The following SMARCC1 variants were observed in gnomAD, a reference collection of about 807,000 sequenced individuals.
The protein encoded by SMARCC1 is SWI/SNF complex subunit SMARCC1.
In SMARCC1, 43 loss-of-function variants were observed where a neutral mutation model predicts 147.4. The observed-to-expected ratio is 0.29, with a 90% CI of 0.23 to 0.38. The LOEUF is 0.38. Among genes scored for constraint, SMARCC1 ranks in the 10% least tolerant of loss-of-function variants. The pLI is 1.00. For missense variants in SMARCC1, 1,119 were observed against 1,381.1 expected, an observed-to-expected ratio of 0.81 and a Z score of 3.01; for synonymous variants, 495 against 484.4, an observed-to-expected ratio of 1.02 and a Z score of -0.29.
At chr3:47,705,793 G>A (rs1212835671) in intron 10 of SMARCC1, among the ~76,000 whole-genome samples, 1 of 152,156 alleles carries the variant, frequency 6.6e-6, no homozygotes, top group Non-Finnish European at 1.5e-5. Context: ...CAGAAATTAT[G>A]TAACTTAATA....
chr3:47,702,201 A>C (rs1385562296), intron 10 of SMARCC1, among the ~76,000 whole-genome samples: 1 of 137,334 alleles, frequency 7.3e-6, no homozygotes, highest in Non-Finnish European at 1.5e-5. Flanking sequence ...ATCATTATTA[A>C]TTTTAAAACT....
intron 1 of SMARCC1, among the ~76,000 whole-genome samples, chr3:47,774,157 T>G (rs1437802357): frequency 6.6e-6 from 1 of 152,012 alleles, no homozygotes; most frequent in Non-Finnish European, 1.5e-5. Flanking sequence ...CTACAATTAT[T>G]ATGCATAGGA....
At chr3:47,638,815 G>A in intron 21 of SMARCC1, 35 bp from the exon 22 acceptor site, 1 of 1,435,216 alleles carries the variant, frequency 7.0e-7, no homozygotes, top group Non-Finnish European at 9.8e-7. Context: ...GTACTCCAAT[G>A]TGGAAAAAGG....
chr3:47,590,646 C>G lies in SMARCC1; in HGVS notation c.3220+15G>C. On this transcript the variant is annotated intron_variant, in intron 27 of 27. Coordinates refer to ENST00000254480, the MANE Select transcript of SMARCC1 (RefSeq NM_003074.4). ...CGGACCCTGAGATAATGCATCCCCC[C>G]TCCATGTTACTTACACATGCCGTTA... 6.7e-7 allele frequency: 1 copy of G among 1,498,422 alleles called. No homozygotes were observed. The highest frequency in any genetic ancestry group is 8.9e-7 in the Non-Finnish European group (1 of 1,128,964). The allele number at this position is 1,498,422 out of a possible 1,614,324, so 92.8% of individuals were successfully genotyped here.
chr3:47,750,249 A>C (rs1226976009), intron 2 of SMARCC1, among the ~76,000 whole-genome samples: 1 of 152,174 alleles, frequency 6.6e-6, no homozygotes, highest in Non-Finnish European at 1.5e-5. Flanking sequence ...ATCCTGGCCA[A>C]CATGGTGAAA....
rs1576393731 is a variant in SMARCC1 at position 47,633,760 on chromosome 3, A to AT, written c.2646+1429_2646+1430insA. The stretch of plus-strand genomic sequence containing the variant: ...CTGTCTCAAAAAAAAAAAAAAAAAA[A>AT]AAAATATATATATATATATACACAC... On this transcript the variant is annotated intron_variant, in intron 24 of 27. Coordinates refer to ENST00000254480, the MANE Select transcript of SMARCC1 (RefSeq NM_003074.4). Among the ~76,000 whole-genome samples the AT allele has an allele frequency of 8.8e-5, 3 of 34,114 alleles. No homozygotes were observed. The Admixed American group carries it at 1.4e-3, about 15-fold the overall frequency. The allele number at this position is 34,114 out of a possible 152,430, so 22.4% of individuals were successfully genotyped here. A position where few individuals can be genotyped will look rare whatever the true frequency, so the allele number is the denominator to read the frequency against.
intron 11 of SMARCC1, among the ~76,000 whole-genome samples, chr3:47,697,458 C>T (rs186970935): frequency 1.1e-3 from 161 of 151,622 alleles, no homozygotes; most frequent in Admixed American, 2.9e-3. Flanking sequence ...TGCGCCACCA[C>T]GCCAGGCTAA....
At position 47,675,677 on chromosome 3, in the gene SMARCC1, G is replaced by C. The variant is rs887599472; in HGVS notation, c.1726-89C>G. 4 of 677,112 alleles carry C rather than the reference G, an allele frequency of 5.9e-6. No individual in the cohort carries two copies. In the Admixed American group the frequency reaches 8.7e-5, roughly 15 times the overall value. 41.9% of individuals were successfully genotyped at this position (677,112 alleles called of 1,614,324 possible). ...TAAAAATTTGTTTGGGCCAGGCGCC[G>C]TGGCTCACACCTATAATCCCAGCAC... On this transcript the variant is annotated intron_variant, in intron 17 of 27. Transcript: ENST00000254480.
In SMARCC1 at chr3:47,622,279, T is replaced by C; in HGVS notation, c.2709A>G (p.Gln903=). The C allele has an allele frequency of 1.9e-6, 3 of 1,609,544 alleles. No individual in the cohort carries two copies. The highest frequency in any genetic ancestry group is 2.5e-6 in the Non-Finnish European group (3 of 1,178,694). Residue 903 remains glutamine (Q), a synonymous_variant, in exon 25 of 28, where the codon CAA becomes CAG. Coordinates refer to ENST00000254480, the MANE Select transcript of SMARCC1 (RefSeq NM_003074.4). ...GAAGTTTGATCTCTAGTTTCTTCAT[T>C]TGTGTCTCAACCAAGAGAGCTACCA... ...KSLVALLVET[Q]MKKLEIKLRH...
At chr3:47,595,924 C>T (rs1043211972) in intron 26 of SMARCC1, among the ~76,000 whole-genome samples, 28 of 151,484 alleles carry the variant, frequency 1.8e-4, no homozygotes, top group Admixed American at 1.7e-3. Flanking sequence ...TAGTAGAGAC[C>T]GAGTTTCACA....
At chr3:47,693,109 G>GT in intron 12 of SMARCC1, 132 bp downstream of exon 12, 1 of 647,334 alleles carries the variant, frequency 1.5e-6, no homozygotes. Context: ...GTTTAAAGCT[G>GT]TGGTGAGCTA....
At chr3:47,748,651 G>A (rs996428123) in intron 2 of SMARCC1, among the ~76,000 whole-genome samples, 2 of 152,062 alleles carry the variant, frequency 1.3e-5, no homozygotes, top group African/African-American at 2.4e-5. Context: ...TAAACGAAAT[G>A]GTGAATAATT....
At chr3:47,737,817 G>T (rs371128971) in intron 4 of SMARCC1, among the ~76,000 whole-genome samples, 1 of 146,138 alleles carries the variant, frequency 6.8e-6, no homozygotes, top group South Asian at 2.3e-4. Context: ...AACCACGTGC[G>T]GCTAATTTTT....
intron 14 of SMARCC1, 135 bp downstream of exon 14, chr3:47,685,914 T>C (rs1039430692): frequency 6.6e-5 from 43 of 651,726 alleles, no homozygotes; most frequent in Non-Finnish European, 9.7e-5. Context: ...AAGATAAAAA[T>C]CACTCTCCAT....
At chr3:47,747,206 G>C (rs1244530927) in intron 2 of SMARCC1, among the ~76,000 whole-genome samples, 1 of 151,790 alleles carries the variant, frequency 6.6e-6, no homozygotes, top group Non-Finnish European at 1.5e-5. Flanking sequence ...GGCCGAAGCG[G>C]GCAGATGGCT....
chr3:47,674,791 G>T (rs779655800), intron 18 of SMARCC1, among the ~76,000 whole-genome samples: 4 of 151,976 alleles, frequency 2.6e-5, no homozygotes, highest in Non-Finnish European at 5.9e-5. Flanking sequence ...TATTTGTTCT[G>T]AAGTCTTTTT....
Position 47,606,867 on chromosome 3 carries a change from C to T in SMARCC1, c.3043+3199G>A, listed in dbSNP as rs190822773. 6.6e-4 allele frequency among the ~76,000 whole-genome samples: 97 copies of T among 147,248 alleles called. 1 individual carries two copies. The highest frequency in any genetic ancestry group is 1.1e-3 in the Admixed American group (16 of 14,156). On this transcript the variant is annotated intron_variant, in intron 26 of 27. Transcript: ENST00000254480. ...GGACTACAGGTATGCAGTACCACCA[C>T]ACCTGGCTACTTTTTTTTTTTTTTT...
intron 2 of SMARCC1, among the ~76,000 whole-genome samples, chr3:47,758,067 A>G (rs2034723035): frequency 6.6e-6 from 1 of 152,164 alleles, no homozygotes; most frequent in South Asian, 2.1e-4. Context: ...AATAAAAAAA[A>G]TTGTGGTGTA....
At chr3:47,611,769 T>C (rs2032568627) in intron 25 of SMARCC1, among the ~76,000 whole-genome samples, 1 of 152,118 alleles carries the variant, frequency 6.6e-6, no homozygotes, top group Non-Finnish European at 1.5e-5. Context: ...CATCACTGGT[T>C]ATAGGAGTAG....
Sources: allele counts gnomAD v4.1 joint callset (sites outside exome capture counted in the v4.1 genomes callset), GRCh38; gene constraint gnomAD v4.1.1; transcripts MANE v1.5; gene names NCBI Gene and HGNC (gene_info 2026-07-23, HGNC 2026-07-21).